The following RALB variants were observed in gnomAD, a reference collection of about 807,000 sequenced individuals.
The protein encoded by RALB is ras-related protein Ral-B.
Under a neutral mutation model 21.3 loss-of-function variants are expected in RALB, and 16 were observed. The ratio of observed to expected loss-of-function variants is 0.75; its 90% CI spans 0.51 to 1.14. The LOEUF (loss-of-function observed/expected upper bound fraction) is 1.14, where lower values mean the gene tolerates loss of function less well. Among genes scored for constraint, RALB ranks in the 50% most tolerant of loss-of-function variants. The probability of loss-of-function intolerance (pLI) is 0.00; values close to 1 mark genes in which losing one functional copy is unlikely to be tolerated. For synonymous variants in RALB, 93 were observed against 96.1 expected (o/e 0.97, Z 0.19); for missense variants, 161 against 256.2 (o/e 0.63, Z 2.54).
chr2:120,293,796 T>TA lies in RALB; in HGVS notation c.*543dup, dbSNP rs1017027435. ...CAATACCCTGTGGATCTGAAACAGC[T>TA]AAAAAAATGAATTTGAATTGCGCCA... On this transcript the variant is annotated 3_prime_UTR_variant, in exon 5 of 5. Coordinates refer to ENST00000272519, the MANE Select transcript of RALB (RefSeq NM_002881.3). The TA allele has an allele frequency of 1.1e-4, 20 of 187,944 alleles. No individual in the cohort carries two copies. The highest frequency in any genetic ancestry group is 1.6e-4 in the Non-Finnish European group (15 of 92,632). The allele number at this position is 187,944 out of a possible 1,614,324, so 11.6% of individuals were successfully genotyped here.
Position 120,252,931 on chromosome 2 carries a change from A to G in RALB, c.-97A>G. On this transcript the variant is annotated 5_prime_UTR_variant, in exon 1 of 5. The change abolishes the stop of an existing upstream ORF in the 5' untranslated region. Transcript: ENST00000272519. ...CCCCGGGAGGGGGCGGGGCGCGTTT[A>G]AGAGCTGCGGGCCGGGTGCGGACGG... is the stretch of plus-strand genomic sequence containing the variant. 1.0e-6 allele frequency: 1 copy of G among 984,954 alleles called. No individual in the cohort carries two copies. The highest frequency in any genetic ancestry group is 1.2e-6 in the Non-Finnish European group (1 of 830,008). 61.0% of individuals were successfully genotyped at this position (984,954 alleles called of 1,614,324 possible).
chr2:120,276,517 C>T (rs779515111), intron 1 of RALB, among the ~76,000 whole-genome samples: 1 of 151,790 alleles, frequency 6.6e-6, no homozygotes, highest in African/African-American at 2.4e-5. Context: ...GCAGGAGAAT[C>T]ACTTGAATCC....
intron 1 of RALB, among the ~76,000 whole-genome samples, chr2:120,263,346 G>C (rs1365264275): frequency 6.6e-6 from 1 of 151,762 alleles, no homozygotes; most frequent in Non-Finnish European, 1.5e-5. Context: ...TTTTTGTAGA[G>C]ATGGGTTTTG....
chr2:120,264,304 A>G, intron 1 of RALB, among the ~76,000 whole-genome samples: 1 of 151,020 alleles, frequency 6.6e-6, no homozygotes, highest in East Asian at 1.9e-4. Flanking sequence ...GGCACCCACC[A>G]TCACACCCAG....
chr2:120,250,258 T>C (rs1016794557), upstream of RALB, among the ~76,000 whole-genome samples: 3 of 152,214 alleles, frequency 2.0e-5, no homozygotes, highest in Non-Finnish European at 4.4e-5. Context: ...GGCTTATTTC[T>C]CAGTCATTCT....
intron 1 of RALB, among the ~76,000 whole-genome samples, chr2:120,254,979 G>A (rs1689162602): frequency 6.6e-6 from 1 of 152,186 alleles, no homozygotes; most frequent in Non-Finnish European, 1.5e-5. Context: ...GTCTGGCAGG[G>A]ATAATTCTTT....
In RALB at chr2:120,286,042, A is replaced by G. The variant is rs143444584; in HGVS notation, c.283A>G (p.Ile95Val). ...GGAAGGGTTTCTTCTTGTGTTCTCA[A>G]TCACAGAACATGAATCCTTTACAGC... ...SGEGFLLVFSITEHESFTATA... is the reference protein window; with the variant it reads ...SGEGFLLVFSVTEHESFTATA... Residue 95 changes from isoleucine to valine, a missense_variant, in exon 3 of 5, where the codon ATC becomes GTC. Physicochemically the swap from Ile to Val is conservative, Grantham distance 29. Transcript: ENST00000272519. 1.2e-5 allele frequency: 20 copies of G among 1,613,942 alleles called. No homozygotes were observed. The highest frequency in any genetic ancestry group is 6.7e-5 in the African/African-American group (5 of 74,890).
At chr2:120,250,093 G>C (rs573353919), upstream of RALB, among the ~76,000 whole-genome samples, 1 of 152,284 alleles carries the variant, frequency 6.6e-6, no homozygotes, top group South Asian at 2.1e-4. Context: ...AAAATAATTT[G>C]TAATGACATA....
chr2:120,288,423 G>T (rs1427157855), intron 3 of RALB, among the ~76,000 whole-genome samples: 5 of 132,662 alleles, frequency 3.8e-5, no homozygotes, highest in Non-Finnish European at 7.7e-5. Flanking sequence ...GGGCTCAAGT[G>T]TTCCTCCCTC....
chr2:120,277,951 G>GTA (rs1361935055), intron 1 of RALB, among the ~76,000 whole-genome samples: 6 of 149,594 alleles, frequency 4.0e-5, no homozygotes, highest in Non-Finnish European at 8.9e-5. Flanking sequence ...GTGTGAATGT[G>GTA]TGAATGTGAG....
intron 3 of RALB, among the ~76,000 whole-genome samples, chr2:120,286,669 G>A (rs1690166510): frequency 6.6e-6 from 1 of 152,170 alleles, no homozygotes; most frequent in Non-Finnish European, 1.5e-5. Flanking sequence ...TCTTTCTCTG[G>A]AAATGCACTT....
intron 1 of RALB, among the ~76,000 whole-genome samples, chr2:120,269,142 G>A (rs912951133): frequency 2.6e-5 from 4 of 152,106 alleles, no homozygotes; most frequent in South Asian, 2.1e-4. Flanking sequence ...TGGGTTCATC[G>A]TCTTGCTGAC....
rs2104674157 is a variant in RALB at position 120,294,221 on chromosome 2, G to A, written c.*961G>A. 2.5e-6 allele frequency: 1 copy of A among 398,584 alleles called. No individual in the cohort carries two copies. The highest frequency in any genetic ancestry group is 6.3e-4 in the Middle Eastern group (1 of 1,588). 24.7% of individuals were successfully genotyped at this position (398,584 alleles called of 1,614,324 possible). ...CCCAAAGACGTGATGAGTTAAAGTTGTATTCTGAAATCATGAAGCCAGAGC... is the reference window on the plus strand; with the variant it reads ...CCCAAAGACGTGATGAGTTAAAGTTATATTCTGAAATCATGAAGCCAGAGC... On this transcript the variant is annotated 3_prime_UTR_variant, in exon 5 of 5. Coordinates refer to ENST00000272519, the MANE Select transcript of RALB (RefSeq NM_002881.3).
chr2:120,262,774 T>C (rs1573330725), intron 1 of RALB, among the ~76,000 whole-genome samples: 1 of 152,266 alleles, frequency 6.6e-6, no homozygotes, highest in East Asian at 1.9e-4. Context: ...GAAATGCCCA[T>C]TGGTTATGCC....
At position 120,252,930 on chromosome 2, in the gene RALB, T is replaced by A. The variant is rs1398993029; in HGVS notation, c.-98T>A. 2 of 985,164 alleles carry A rather than the reference T, an allele frequency of 2.0e-6. No homozygotes were observed. Among genetic ancestry groups the A allele is most frequent in the Non-Finnish European group, 2.4e-6 (2 of 830,058 alleles). 61.0% of individuals were successfully genotyped at this position (985,164 alleles called of 1,614,324 possible). ...GCCCCGGGAGGGGGCGGGGCGCGTTTAAGAGCTGCGGGCCGGGTGCGGACG... is the reference window on the plus strand; with the variant it reads ...GCCCCGGGAGGGGGCGGGGCGCGTTAAAGAGCTGCGGGCCGGGTGCGGACG... On this transcript the variant is annotated 5_prime_UTR_variant, in exon 1 of 5. An upstream open reading frame in the 5' UTR loses its in-frame stop. Transcript: ENST00000272519.
upstream of RALB, among the ~76,000 whole-genome samples, chr2:120,248,925 C>T (rs1689011783): frequency 6.6e-6 from 1 of 152,134 alleles, no homozygotes; most frequent in Non-Finnish European, 1.5e-5. Context: ...CCTCCTTGGC[C>T]TCTCAAAGTG....
At chr2:120,293,109 T>G (rs1456656700) in intron 4 of RALB, 32 bp from the exon 5 acceptor site, 11 of 1,558,672 alleles carry the variant, frequency 7.1e-6, no homozygotes, top group Non-Finnish European at 8.6e-6. Flanking sequence ...CTTTCTTCAC[T>G]ATTCTTTTTA....
intron 2 of RALB, among the ~76,000 whole-genome samples, chr2:120,280,663 C>A (rs1169628513): frequency 6.6e-6 from 1 of 151,524 alleles, no homozygotes; most frequent in Non-Finnish European, 1.5e-5. Context: ...CACATGTATA[C>A]CTACATAACC....
chr2:120,270,188 T>C (rs1421492445), intron 1 of RALB, among the ~76,000 whole-genome samples: 1 of 152,252 alleles, frequency 6.6e-6, no homozygotes, highest in East Asian at 1.9e-4. Flanking sequence ...GTTCTTCTTA[T>C]AATTCTCCTT....
Sources: gnomAD v4.1 joint callset for allele counts (sites outside exome capture counted in the v4.1 genomes callset) on GRCh38, gnomAD v4.1.1 for gene constraint, MANE v1.5 for transcripts, NCBI Gene and HGNC (gene_info 2026-07-23, HGNC 2026-07-21) for gene names.